The following DOCK4 variants were observed in gnomAD, a reference collection of about 807,000 sequenced individuals.
DOCK4 encodes dedicator of cytokinesis protein 4.
In DOCK4, 97 loss-of-function variants were observed where a neutral mutation model predicts 268.1. That is an observed-to-expected ratio of 0.36 (90% CI 0.31 to 0.43). DOCK4 has a LOEUF of 0.43. DOCK4 is among the 20% of genes least tolerant of loss of function. DOCK4 has a pLI of 1.00. For synonymous variants in DOCK4, 954 were observed against 887.2 expected (o/e 1.08, Z -1.34); for missense variants, 2,145 against 2,455.7 (o/e 0.87, Z 2.67).
intron 1 of DOCK4, among the ~76,000 whole-genome samples, chr7:112,044,557 T>C (rs982060699): frequency 5.3e-5 from 8 of 152,290 alleles, no homozygotes; most frequent in Admixed American, 3.9e-4. Flanking sequence ...TCCAAGTGTC[T>C]ACTTGACATC....
intron 16 of DOCK4, among the ~76,000 whole-genome samples, chr7:111,894,482 T>C (rs1245536828): frequency 1.3e-5 from 2 of 152,130 alleles, no homozygotes; most frequent in Non-Finnish European, 2.9e-5. Context: ...TGTGTGCAGA[T>C]ACCAGGGAGC....
At chr7:111,898,172 G>C (rs768973553) in intron 15 of DOCK4, among the ~76,000 whole-genome samples, 12 of 152,086 alleles carry the variant, frequency 7.9e-5, no homozygotes, top group Non-Finnish European at 1.2e-4. Flanking sequence ...TGAAATAAAA[G>C]ACTATACAAG....
intron 1 of DOCK4, among the ~76,000 whole-genome samples, chr7:112,091,705 A>G (rs1809646338): frequency 6.6e-6 from 1 of 152,076 alleles, no homozygotes; most frequent in Admixed American, 6.6e-5. Flanking sequence ...TATTTCTCAG[A>G]TTTTTCCTCA....
intron 1 of DOCK4, among the ~76,000 whole-genome samples, chr7:112,096,067 C>A (rs962577437): frequency 9.2e-5 from 14 of 151,960 alleles, no homozygotes; most frequent in Admixed American, 2.6e-4. Flanking sequence ...CCAGCCTGGG[C>A]AACAAAAGCG....
chr7:112,073,266 GC>G (rs1311572331), intron 1 of DOCK4, among the ~76,000 whole-genome samples: 1 of 151,950 alleles, frequency 6.6e-6, no homozygotes, highest in African/African-American at 2.4e-5. Flanking sequence ...TAGATTCCCT[GC>G]CAGTAATAAT....
intron 3 of DOCK4, among the ~76,000 whole-genome samples, chr7:111,999,518 C>CATTAT (rs1309859741): frequency 1.3e-5 from 2 of 151,824 alleles, no homozygotes; most frequent in Non-Finnish European, 2.9e-5. Context: ...TAAATGAATT[C>CATTAT]ATTAAATACT....
chr7:112,000,553 G>T lies in DOCK4; in HGVS notation c.122-19C>A. 1 of 1,517,392 alleles carries T rather than the reference G, an allele frequency of 6.6e-7. No individual in the cohort carries two copies. The highest frequency in any genetic ancestry group is 8.9e-7 in the Non-Finnish European group (1 of 1,119,624). 94.0% of individuals were successfully genotyped at this position (1,517,392 alleles called of 1,614,324 possible). ...TACCAGCCTGTGGAAAAATAATCAT[G>T]GTCATATTTTGATAAACCATTGTAA... On this transcript the variant is annotated intron_variant, in intron 2 of 52. Transcript: ENST00000428084.
chr7:112,180,705 G>A (rs1215010385), intron 1 of DOCK4, among the ~76,000 whole-genome samples: 1 of 152,152 alleles, frequency 6.6e-6, no homozygotes, highest in Non-Finnish European at 1.5e-5. Flanking sequence ...TCCTTCTTTT[G>A]AGTAGCTGGG....
At position 112,013,449 on chromosome 7, in the gene DOCK4, G is replaced by A. The variant is rs563575182; in HGVS notation, c.38-9318C>T. On this transcript the variant is annotated intron_variant, in intron 1 of 52. Coordinates refer to ENST00000428084, the MANE Select transcript of DOCK4 (RefSeq NM_001363540.2). ...AGGGGAGCCAGTGAACAGTTCAACG[G>A]AGAAATAGAGGAACAAAGTCCAAAG... Among the ~76,000 whole-genome samples the A allele has an allele frequency of 7.9e-5, 12 of 152,282 alleles. No individual in the cohort carries two copies. The South Asian group carries it at 2.3e-3, about 29-fold the overall frequency.
intron 16 of DOCK4, among the ~76,000 whole-genome samples, chr7:111,885,250 T>C (rs1027328161): frequency 1.3e-5 from 2 of 152,192 alleles, no homozygotes; most frequent in African/African-American, 4.8e-5. Context: ...GTGCTGCATG[T>C]AATTGAGAGA....
intron 10 of DOCK4, among the ~76,000 whole-genome samples, chr7:111,940,450 T>C (rs1795119880): frequency 6.6e-6 from 1 of 152,194 alleles, no homozygotes; most frequent in South Asian, 2.1e-4. Flanking sequence ...GCAGCTTAAA[T>C]TCTGGGCGTC....
chr7:112,136,577 C>T (rs991029951), intron 1 of DOCK4, among the ~76,000 whole-genome samples: 9 of 152,036 alleles, frequency 5.9e-5, no homozygotes, highest in African/African-American at 1.7e-4. Context: ...TATACTTAGG[C>T]GGAAGACAAA....
At chr7:111,926,229 C>T (rs1406001173) in intron 12 of DOCK4, among the ~76,000 whole-genome samples, 3 of 144,824 alleles carry the variant, frequency 2.1e-5, no homozygotes, top group Non-Finnish European at 4.5e-5. Context: ...ACTATCCTGG[C>T]CAACATGGTA....
intron 1 of DOCK4, among the ~76,000 whole-genome samples, chr7:112,077,470 T>C (rs748357438): frequency 2.0e-5 from 3 of 152,132 alleles, no homozygotes; most frequent in Non-Finnish European, 2.9e-5. Flanking sequence ...TTTAAAGATA[T>C]ATTATTTATA....
At chr7:112,181,374 CT>C (rs1200491312) in intron 1 of DOCK4, among the ~76,000 whole-genome samples, 1 of 152,034 alleles carries the variant, frequency 6.6e-6, no homozygotes, top group Non-Finnish European at 1.5e-5. Flanking sequence ...GATACTGGGG[CT>C]GGGTCCAGAG....
At chr7:112,014,175 T>C (rs1245911652) in intron 1 of DOCK4, among the ~76,000 whole-genome samples, 1 of 152,224 alleles carries the variant, frequency 6.6e-6, no homozygotes, top group Admixed American at 6.5e-5. Context: ...TTCCTACGTT[T>C]TCTGTTTGCT....
At chr7:112,108,962 A>G (rs1441562122) in intron 1 of DOCK4, among the ~76,000 whole-genome samples, 3 of 151,152 alleles carry the variant, frequency 2.0e-5, no homozygotes, top group African/African-American at 4.9e-5. Context: ...TATCTGGCCC[A>G]GTTTTTTTTT....
At chr7:111,914,680 C>T (rs757315618) in intron 13 of DOCK4, among the ~76,000 whole-genome samples, 2 of 152,150 alleles carry the variant, frequency 1.3e-5, no homozygotes, top group African/African-American at 2.4e-5. Context: ...TCTTACCTAC[C>T]ACAAATCTCC....
At chr7:112,062,594 G>A (rs985501931) in intron 1 of DOCK4, among the ~76,000 whole-genome samples, 3 of 152,132 alleles carry the variant, frequency 2.0e-5, no homozygotes, top group Non-Finnish European at 2.9e-5. Context: ...GCCAAGGGCC[G>A]ACTTAAAACA....
Sources: gnomAD v4.1 joint callset for allele counts (sites outside exome capture counted in the v4.1 genomes callset) on GRCh38, gnomAD v4.1.1 for gene constraint, MANE v1.5 for transcripts, NCBI Gene and HGNC (gene_info 2026-07-23, HGNC 2026-07-21) for gene names.